SORCS2: variants seen among roughly 807,000 people sequenced by gnomAD.
SORCS2 encodes sortilin related VPS10 domain containing receptor 2, also known as VPS10 domain-containing receptor SorCS2.
A neutral mutation model predicts 141.6 loss-of-function variants in SORCS2; 100 were observed. The ratio of observed to expected loss-of-function variants is 0.71; its 90% confidence interval spans 0.60 to 0.83. The LOEUF (loss-of-function observed/expected upper bound fraction) is 0.83. Ranked by LOEUF, SORCS2 falls within the 40% of genes least tolerant of loss-of-function variation. The pLI, the probability that SORCS2 is intolerant of heterozygous loss-of-function variation, is 0.00. For synonymous variants in SORCS2, 789 were observed against 676.9 expected, an observed-to-expected ratio of 1.17 and a Z score of -2.57; for missense variants, 1,646 against 1,560.2, an observed-to-expected ratio of 1.05 and a Z score of -0.93.
chr4:7,192,720 C>A lies in SORCS2; in HGVS notation c.74C>A (p.Pro25Gln). The A allele has an allele frequency of 1.0e-6, 1 of 989,756 alleles. No individual in the cohort carries two copies. 61.3% of individuals were successfully genotyped at this position (989,756 alleles called of 1,614,324 possible). ...PTARAPSPGA[P>Q]PPPRSPRSRP... The stretch of plus-strand genomic sequence containing the variant: ...GCCCGAGCCCCGAGCCCCGGGGCTC[C>A]GCCGCCGCCGCGCTCGCCGCGCTCG... Residue 25 changes from proline to glutamine, a missense_variant, in exon 1 of 27, where the codon CCG becomes CAG. Pro to Gln is a moderately conservative substitution (Grantham distance 76). Coordinates refer to ENST00000507866, the MANE Select transcript of SORCS2 (RefSeq NM_020777.3). The surrounding 1 kb of genome is among the most constrained non-coding windows in gnomAD (Gnocchi z 4.0).
At chr4:7,250,794 A>T (rs1713454597) in intron 1 of SORCS2, among the ~76,000 whole-genome samples, 1 of 152,274 alleles carries the variant, frequency 6.6e-6, no homozygotes, top group Non-Finnish European at 1.5e-5. Context: ...TGCCAAGAAC[A>T]GTGGGTTCCC....
intron 14 of SORCS2, among the ~76,000 whole-genome samples, 196 bp downstream of exon 14, chr4:7,704,480 C>T (rs899954635): frequency 6.6e-5 from 10 of 152,320 alleles, no homozygotes; most frequent in East Asian, 3.9e-4. Flanking sequence ...CCTCTTGAGC[C>T]GGTGATTATA....
At chr4:7,240,249 C>T (rs1233901857) in intron 1 of SORCS2, among the ~76,000 whole-genome samples, 4 of 152,186 alleles carry the variant, frequency 2.6e-5, no homozygotes, top group East Asian at 3.8e-4. Context: ...GTTGCTTGCA[C>T]GTACCACCTT....
In SORCS2 at chr4:7,740,891, C is replaced by A; in HGVS notation, c.*627C>A. ...TCTCTGTCTTTATAGCCGGCGGTAG[C>A]CACCGGGGTGGCTCTGTCAGAGTTC... On this transcript the variant is annotated 3_prime_UTR_variant, in exon 27 of 27. Coordinates refer to ENST00000507866, the MANE Select transcript of SORCS2 (RefSeq NM_020777.3). 2.5e-6 allele frequency: 1 copy of A among 397,786 alleles called. No individual in the cohort carries two copies. The highest frequency in any genetic ancestry group is 3.6e-5 in the East Asian group (1 of 28,018). The allele number at this position is 397,786 out of a possible 1,614,324, so 24.6% of individuals were successfully genotyped here. A position where few individuals can be genotyped will look rare whatever the true frequency, so the allele number is the denominator to read the frequency against.
chr4:7,270,400 C>T lies in SORCS2; in HGVS notation c.480+77274C>T, dbSNP rs573667023. On this transcript the variant is annotated intron_variant, in intron 1 of 26. Transcript: ENST00000507866. ...GCTGGTCCTGTCTAAACCCCGGCTC[C>T]GGGAAGCCACCTGTGCTGGCCTTTC... 3.2e-4 allele frequency among the ~76,000 whole-genome samples: 48 copies of T among 152,342 alleles called. No individual in the cohort carries two copies. The South Asian group carries it at 6.8e-3, about 22-fold the overall frequency.
At chr4:7,713,273 GT>G (rs1725951593) in intron 15 of SORCS2, among the ~76,000 whole-genome samples, 1 of 152,134 alleles carries the variant, frequency 6.6e-6, no homozygotes, top group Non-Finnish European at 1.5e-5. Flanking sequence ...TACAGCAAAT[GT>G]GTAATATGGA....
intron 3 of SORCS2, among the ~76,000 whole-genome samples, chr4:7,622,561 C>G (rs548478622): frequency 1.3e-5 from 2 of 152,308 alleles, no homozygotes; most frequent in South Asian, 4.1e-4. Context: ...CAGGCAGGGG[C>G]TGGACTGCCC....
At chr4:7,239,535 A>AGGCTGCT (rs1160913504) in intron 1 of SORCS2, among the ~76,000 whole-genome samples, 1 of 152,208 alleles carries the variant, frequency 6.6e-6, no homozygotes, top group Admixed American at 6.5e-5. Context: ...TACTGTCACC[A>AGGCTGCT]GGCTGCTGAC....
At chr4:7,740,170 C>T (rs749690512) in intron 26 of SORCS2, 30 bp from the exon 27 acceptor site, 27 of 1,592,130 alleles carry the variant, frequency 1.7e-5, no homozygotes, top group Non-Finnish European at 2.1e-5. Flanking sequence ...GGCTTGTGCT[C>T]ACGGGACCTG....
At chr4:7,537,747 C>T (rs1359897245) in intron 3 of SORCS2, among the ~76,000 whole-genome samples, 2 of 152,210 alleles carry the variant, frequency 1.3e-5, no homozygotes, top group East Asian at 1.9e-4. Flanking sequence ...GTGTCTCACA[C>T]CTGTGATCCC....
At chr4:7,410,084 C>T (rs10804996) in intron 2 of SORCS2, among the ~76,000 whole-genome samples, 66,934 of 152,064 alleles carry the variant, frequency 0.44, 15,782 homozygotes, top group Middle Eastern at 0.55. Flanking sequence ...GGGGGACATC[C>T]CCATGGTGTG....
At chr4:7,725,040 AGTG>A (rs1727112685) in intron 19 of SORCS2, 111 bp from the exon 20 acceptor site, 6 of 1,028,334 alleles carry the variant, frequency 5.8e-6, no homozygotes, top group Admixed American at 2.2e-5. Flanking sequence ...TGATAGTGGT[AGTG>A]GTGGTGGTGA....
rs78430698 is a variant in SORCS2, at chr4:7,325,565, G to A, written c.481-70723G>A. 2.5e-3 allele frequency among the ~76,000 whole-genome samples: 383 copies of A among 152,308 alleles called. 2 individuals carry two copies. Among genetic ancestry groups the A allele is most frequent in the Non-Finnish European group, 4.2e-3 (289 of 68,026 alleles). On this transcript the variant is annotated intron_variant, in intron 1 of 26. Transcript: ENST00000507866. ...CCCTAAGGGCCTAAATGGGGCTGGG[G>A]GCAGCTCCGTGGAACTCAATGGTTT...
chr4:7,349,185 C>T (rs1490136831), intron 1 of SORCS2, among the ~76,000 whole-genome samples: 1 of 152,106 alleles, frequency 6.6e-6, no homozygotes, highest in Non-Finnish European at 1.5e-5. Context: ...AGCTGGGGAC[C>T]AGGGGCAGCA....
intron 11 of SORCS2, among the ~76,000 whole-genome samples, chr4:7,693,500 G>GC (rs1248044575): frequency 6.6e-6 from 1 of 152,222 alleles, no homozygotes; most frequent in African/African-American, 2.4e-5. Context: ...TGCTGTGGGT[G>GC]CCCCAGGTGA....
chr4:7,662,058 C>T (rs1023267177), intron 6 of SORCS2, among the ~76,000 whole-genome samples: 2 of 152,196 alleles, frequency 1.3e-5, no homozygotes, highest in African/African-American at 4.8e-5. Flanking sequence ...CATCAGCTCC[C>T]AGCCCTGCCG....
intron 1 of SORCS2, among the ~76,000 whole-genome samples, chr4:7,254,013 A>G (rs544579084): frequency 2.0e-5 from 3 of 152,248 alleles, no homozygotes; most frequent in Non-Finnish European, 2.9e-5. Context: ...TATTAAAAAG[A>G]CAAAAAGTAA....
In SORCS2 at chr4:7,597,938, A is replaced by G. The variant is rs1333634395; in HGVS notation, c.649-40390A>G. Among the ~76,000 whole-genome samples, 3 of 145,038 alleles carry G rather than the reference A, an allele frequency of 2.1e-5. No individual in the cohort carries two copies. In the Admixed American group the frequency reaches 2.1e-4, roughly 10 times the overall value. On this transcript the variant is annotated intron_variant, in intron 3 of 26. Coordinates refer to ENST00000507866, the MANE Select transcript of SORCS2 (RefSeq NM_020777.3). Reference sequence around the variant, plus strand: ...AGGGGAACTGGTGTCCAGGATGGTCAGTGGGGATGACAGTTCAGCTAATCT... The same window carrying G: ...AGGGGAACTGGTGTCCAGGATGGTCGGTGGGGATGACAGTTCAGCTAATCT...
intron 3 of SORCS2, among the ~76,000 whole-genome samples, chr4:7,593,565 C>T (rs1055395365): frequency 6.6e-6 from 1 of 152,076 alleles, no homozygotes; most frequent in Non-Finnish European, 1.5e-5. Flanking sequence ...GTGGCTCTTC[C>T]GTCTTCGTGC....
Sources: allele counts gnomAD v4.1 joint callset (sites outside exome capture counted in the v4.1 genomes callset), GRCh38; gene constraint gnomAD v4.1.1; non-coding constraint Gnocchi (gnomAD v3.1); transcripts MANE v1.5; gene names NCBI Gene and HGNC (gene_info 2026-07-23, HGNC 2026-07-21).